Variants in FCHSD1 observed in about 807,000 individuals in gnomAD.
FCHSD1 encodes the protein FCH and double SH3 domains 1.
A neutral mutation model predicts 101.3 loss-of-function variants in FCHSD1; 109 were observed. The observed-to-expected ratio is 1.08, with a 90% CI of 0.92 to 1.26. The LOEUF (loss-of-function observed/expected upper bound fraction) is 1.26. Among genes scored for constraint, FCHSD1 ranks in the 50% most tolerant of loss-of-function variants. The pLI is 0.00. For missense variants in FCHSD1, 820 were observed against 895.8 expected (o/e 0.92, Z 1.08); for synonymous variants, 291 against 356.8 (o/e 0.82, Z 2.08).
At chr5:141,642,174 A>G in intron 18 of FCHSD1, 1 of 526,972 alleles carries the variant, frequency 1.9e-6, no homozygotes, top group South Asian at 2.4e-5. Context: ...CAGCCATAAA[A>G]AAGAATGAAA....
In FCHSD1 at chr5:141,641,369, T is replaced by TCACC; in HGVS notation, c.*128_*129insGGTG. ...AATGGGAAGGGGCAAGTTTCCACCC[T>TCACC]TGGAGGTGAGGGTGGAAATAAGGGC... On this transcript the variant is annotated 3_prime_UTR_variant, in exon 20 of 20. Coordinates refer to ENST00000435817, the MANE Select transcript of FCHSD1 (RefSeq NM_033449.3). 1.3e-5 allele frequency: 11 copies of TCACC among 836,632 alleles called. No individual in the cohort carries two copies. Among genetic ancestry groups the TCACC allele is most frequent in the Non-Finnish European group, 1.8e-5 (10 of 570,784 alleles). The allele number at this position is 836,632 out of a possible 1,614,324, so 51.8% of individuals were successfully genotyped here. A position where few individuals can be genotyped will look rare whatever the true frequency, so the allele number is the denominator to read the frequency against.
chr5:141,645,956 A>G, intron 12 of FCHSD1, 24 bp from the exon 13 acceptor site: 3 of 1,553,222 alleles, frequency 1.9e-6, no homozygotes, highest in Non-Finnish European at 2.6e-6. Flanking sequence ...GAAGTAAGTT[A>G]GTGGAACCTG....
In FCHSD1 at chr5:141,651,012, G is replaced by C; in HGVS notation, c.119+8C>G. 1 of 1,576,122 alleles carries C rather than the reference G, an allele frequency of 6.3e-7. No individual in the cohort carries two copies. The highest frequency in any genetic ancestry group is 8.6e-7 in the Non-Finnish European group (1 of 1,159,632). ...GTGAGTGTAAATGAAGGGGGTTGGGGGAGCTACCTGATGTCCTCCAGCAGA... is the reference window on the plus strand; with the variant it reads ...GTGAGTGTAAATGAAGGGGGTTGGGCGAGCTACCTGATGTCCTCCAGCAGA... On this transcript the variant is annotated splice_region_variant and intron_variant, in intron 2 of 19. Coordinates refer to ENST00000435817, the MANE Select transcript of FCHSD1 (RefSeq NM_033449.3).
In FCHSD1 at chr5:141,647,173, T is replaced by A; in HGVS notation, c.886A>T (p.Thr296Ser). The A allele has an allele frequency of 6.2e-7, 1 of 1,609,118 alleles. No homozygotes were observed. Residue 296 changes from threonine to serine, a missense_variant, in exon 10 of 20, where the codon ACC becomes TCC. Thr to Ser is a moderately conservative substitution (Grantham distance 58, BLOSUM62 1). Coordinates refer to ENST00000435817, the MANE Select transcript of FCHSD1 (RefSeq NM_033449.3). ...FLQEPGVFSP[T>S]PPQQFQPAGT... ...GCTGGCTGAAACTGCTGAGGTGGGG[T>A]GGGGGAAAATACACCAGGCTCCTGA...
intron 2 of FCHSD1, 68 bp downstream of exon 2, chr5:141,650,952 T>C (rs1375760597): frequency 7.2e-7 from 1 of 1,385,070 alleles, no homozygotes; most frequent in Non-Finnish European, 1.0e-6. Context: ...CCCCAGCACA[T>C]GTATATTGGG....
Position 141,641,688 on chromosome 5 carries a change from G to T in FCHSD1, c.2007+14C>A. 1.2e-6 allele frequency: 2 copies of T among 1,613,934 alleles called. No homozygotes were observed. Among genetic ancestry groups the T allele is most frequent in the Non-Finnish European group, 1.7e-6 (2 of 1,179,876 alleles). ...CCCTCTACATACAATCTCCTCCAAG[G>T]CAAGGGCCCTTACCGGCCTGAGTCG... On this transcript the variant is annotated intron_variant, in intron 19 of 19. Coordinates refer to ENST00000435817, the MANE Select transcript of FCHSD1 (RefSeq NM_033449.3).
In FCHSD1 at chr5:141,646,140, G is replaced by A. The variant is rs2154598413; in HGVS notation, c.1096C>T (p.Pro366Ser). ...RRQQASEREA[P>S]SIEQRLQEVR... ...TCCTGTAACCTCTGTTCTATGCTTG[G>A]AGCCTCCCGCTCTGAAGCCTGCTGC... The change falls in exon 12 of 20, where the codon CCA becomes TCA. Residue 366 changes from proline (P) to serine (S), a missense_variant. Physicochemically the swap from Pro to Ser is moderately conservative, Grantham distance 74 (BLOSUM62 -1). Transcript: ENST00000435817. The A allele has an allele frequency of 6.2e-7, 1 of 1,612,110 alleles. No homozygotes were observed. The highest frequency in any genetic ancestry group is 1.7e-5 in the Admixed American group (1 of 59,800).
intron 18 of FCHSD1, 142 bp downstream of exon 18, chr5:141,642,859 T>G (rs1160880011): frequency 9.5e-6 from 7 of 739,020 alleles, no homozygotes; most frequent in Admixed American, 3.0e-5. Context: ...CCAGTCAGCC[T>G]GGCTCCAGAG....
At position 141,645,808 on chromosome 5, in the gene FCHSD1, C is replaced by T; in HGVS notation, c.1274G>A (p.Ser425Asn). 6.2e-7 allele frequency: 1 copy of T among 1,610,194 alleles called. No individual in the cohort carries two copies. The highest frequency in any genetic ancestry group is 8.5e-7 in the Non-Finnish European group (1 of 1,178,542). The stretch of plus-strand genomic sequence containing the variant: ...GTCCCTCTGGGACAGCCGAGCCTCA[C>T]TGAGCCGCCGCTCCTGCTCCACCTC... ...QDEVEQERRL[S>N]EARLSQRDLS... Residue 425 changes from serine to asparagine, a missense_variant, in exon 13 of 20, where the codon AGT (serine) becomes AAT (asparagine). Physicochemically the swap from Ser to Asn is conservative, Grantham distance 46. Transcript: ENST00000435817.
chr5:141,645,006 AC>A lies in FCHSD1; in HGVS notation c.1440+13del, dbSNP rs1235559567. On this transcript the variant is annotated intron_variant, in intron 14 of 19. Coordinates refer to ENST00000435817, the MANE Select transcript of FCHSD1 (RefSeq NM_033449.3). ...CCACCCTTGCCCATCAGAGGTCCCC[AC>A]CCCCATTCATACCTGATAGCGAAAT... 1.2e-6 allele frequency: 2 copies of A among 1,613,116 alleles called. No individual in the cohort carries two copies. The highest frequency in any genetic ancestry group is 1.3e-5 in the African/African-American group (1 of 74,938).
intron 13 of FCHSD1, among the ~76,000 whole-genome samples, 196 bp downstream of exon 13, chr5:141,645,575 A>G (rs1596462734): frequency 6.6e-6 from 1 of 152,338 alleles, no homozygotes; most frequent in South Asian, 2.1e-4. Context: ...TAATCATTCT[A>G]TTATGCTCAT....
In FCHSD1 at chr5:141,646,641, C is replaced by T. The variant is rs367584740; in HGVS notation, c.1006G>A (p.Ala336Thr). The T allele has an allele frequency of 4.3e-6, 7 of 1,612,996 alleles. No homozygotes were observed. The highest frequency in any genetic ancestry group is 5.9e-6 in the Non-Finnish European group (7 of 1,179,742). ...TTCTGGATCTTGTAGTCACGGGCAG[C>T]TCGGCTGGTCAAGCGCTGAACCTCT... Reference protein sequence around the residue: ...EKEVQRLTSRAARDYKIQNHG... With the variant: ...EKEVQRLTSRTARDYKIQNHG... The change falls in exon 11 of 20, where the codon GCT becomes ACT. Residue 336 changes from alanine (A) to threonine (T), a missense_variant. Physicochemically the swap from Ala to Thr is moderately conservative, Grantham distance 58 (BLOSUM62 0). Coordinates refer to ENST00000435817, the MANE Select transcript of FCHSD1 (RefSeq NM_033449.3).
chr5:141,643,349 T>A (rs143447644), intron 17 of FCHSD1, among the ~76,000 whole-genome samples: 2 of 152,186 alleles, frequency 1.3e-5, no homozygotes, highest in African/African-American at 4.8e-5. Flanking sequence ...CCCCATGAGG[T>A]AGGCATTTTT....
chr5:141,639,803 C>G lies in FCHSD1; in HGVS notation c.*1695G>C, dbSNP rs1447783962. The G allele has an allele frequency of 1.5e-6, 2 of 1,316,320 alleles. No homozygotes were observed. The highest frequency in any genetic ancestry group is 1.5e-5 in the African/African-American group (1 of 68,572). 81.5% of individuals were successfully genotyped at this position (1,316,320 alleles called of 1,614,324 possible). On this transcript the variant is annotated 3_prime_UTR_variant, in exon 20 of 20. Coordinates refer to ENST00000435817, the MANE Select transcript of FCHSD1 (RefSeq NM_033449.3). This position sits in a 1 kb window ranked among gnomAD's most constrained non-coding sequence, Gnocchi z 4.4. Reference sequence around the variant, plus strand: ...TGTGCCCCACAATCTGAGAAGGCCTCCCCTACCTTAGGCCAGAGGGAAGTA... The same window carrying G: ...TGTGCCCCACAATCTGAGAAGGCCTGCCCTACCTTAGGCCAGAGGGAAGTA...
intron 7 of FCHSD1, 80 bp downstream of exon 7, chr5:141,648,877 C>T (rs2099908007): frequency 1.3e-6 from 2 of 1,529,210 alleles, no homozygotes; most frequent in Non-Finnish European, 1.8e-6. Context: ...GTCTTTCATA[C>T]ATATGCACCT....
At chr5:141,651,327 C>T in intron 1 of FCHSD1, 21 bp downstream of exon 1, 1 of 1,553,414 alleles carries the variant, frequency 6.4e-7, no homozygotes, top group Non-Finnish European at 8.7e-7. Flanking sequence ...GCCAGGAGTC[C>T]CCATTCAGGG....
rs1461389740 is a variant in FCHSD1, at chr5:141,650,429, G to C, written c.120-25C>G. 16 of 1,613,714 alleles carry C rather than the reference G, an allele frequency of 9.9e-6. No individual in the cohort carries two copies. The Admixed American group carries it at 2.7e-4, about 27-fold the overall frequency. ...TCTGCGGAGATTGCAGGTCGGGGGT[G>C]AGGTGGGGGATAAGGTTATGTTTGG... is the stretch of plus-strand genomic sequence containing the variant. On this transcript the variant is annotated intron_variant, in intron 2 of 19. Transcript: ENST00000435817.
Position 141,645,121 on chromosome 5 carries a change from C to A in FCHSD1, c.1339G>T (p.Glu447Ter), listed in dbSNP as rs758942806. 1 of 1,564,374 alleles carries A rather than the reference C, an allele frequency of 6.4e-7. No homozygotes were observed. Among genetic ancestry groups the A allele is most frequent in the Non-Finnish European group, 8.7e-7 (1 of 1,154,548 alleles). ...AGCTCTCCCGTCTCCTCACATTCCT[C>A]AAAGTCAGAAAGCTCAGCATCCTCA... ...TAEDAELSDF[E>*]ECEETGELFE... The change falls in exon 14 of 20, where the codon GAG becomes TAG. Residue 447 changes from glutamate (E) to a stop codon, truncating the protein, a stop_gained. Coordinates refer to ENST00000435817, the MANE Select transcript of FCHSD1 (RefSeq NM_033449.3). LOFTEE classifies it high-confidence loss of function.
In FCHSD1 at chr5:141,650,368, C is replaced by T. The variant is rs371766051; in HGVS notation, c.156G>A (p.Glu52=). The T allele has an allele frequency of 1.1e-4, 172 of 1,613,964 alleles. No homozygotes were observed. In the African/African-American group the frequency reaches 1.9e-3, roughly 18 times the overall value. The change falls in exon 3 of 20, where the codon GAG becomes GAA. Residue 52 remains glutamate (E), a synonymous_variant. Transcript: ENST00000435817. ...YSKQRAAIER[E]YGQALQKLAG... ...GAGAAAAGTCCCATACCTGCCCATA[C>T]TCCCGTTCAATGGCTGCCCTCTGCT... is the stretch of plus-strand genomic sequence containing the variant.
Sources: gnomAD v4.1 joint callset for allele counts (sites outside exome capture counted in the v4.1 genomes callset) on GRCh38, gnomAD v4.1.1 for gene constraint, Gnocchi (gnomAD v3.1) non-coding constraint, MANE v1.5 for transcripts, NCBI Gene and HGNC (gene_info 2026-07-23, HGNC 2026-07-21) for gene names.